The following C2orf76 variants were observed in gnomAD, a reference collection of about 807,000 sequenced individuals.
C2orf76 encodes chromosome 2 open reading frame 76.
C2orf76 carries 23 observed loss-of-function variants against 16.9 expected under a neutral mutation model. The observed-to-expected ratio is 1.36, with a 90% CI of 0.98 to 1.93. C2orf76 has a LOEUF of 1.93. Ranked by LOEUF, C2orf76 falls within the 30% of genes most tolerant of loss-of-function variation. The probability of loss-of-function intolerance (pLI) is 0.00; values close to 1 mark genes in which losing one functional copy is unlikely to be tolerated. For synonymous variants in C2orf76, 48 were observed against 52.3 expected (o/e 0.92, Z 0.35); for missense variants, 152 against 152.6 (o/e 1.00, Z 0.02).
At chr2:119,300,213 T>C (rs912959075), downstream of C2orf76, among the ~76,000 whole-genome samples, 12 of 152,232 alleles carry the variant, frequency 7.9e-5, no homozygotes, top group Non-Finnish European at 1.6e-4. Context: ...AGATAACATA[T>C]GTAAATTAAC....
chr2:119,285,744 T>C, the C2orf76 span, among the ~76,000 whole-genome samples: 5 of 152,220 alleles, frequency 3.3e-5, no homozygotes, highest in East Asian at 9.6e-4. Context: ...TTAATATAAG[T>C]TCCAGAAAGC....
chr2:119,363,301 A>G (rs6723209), intron 1 of C2orf76, among the ~76,000 whole-genome samples: 50,201 of 151,556 alleles, frequency 0.33, 9,011 homozygotes, highest in African/African-American at 0.47. Flanking sequence ...GCGGGCACCC[A>G]TAGTCCCAGC....
At chr2:119,359,948 A>C (rs1340056306) in intron 1 of C2orf76, among the ~76,000 whole-genome samples, 2 of 152,264 alleles carry the variant, frequency 1.3e-5, no homozygotes, top group African/African-American at 4.8e-5. Flanking sequence ...GCTGTCAAAC[A>C]GCATCTCATG....
At chr2:119,363,447 A>T (rs990774782) in intron 1 of C2orf76, among the ~76,000 whole-genome samples, 1 of 151,994 alleles carries the variant, frequency 6.6e-6, no homozygotes, top group Non-Finnish European at 1.5e-5. Context: ...GCAAAAAAAA[A>T]AAACTAGTCT....
intron 1 of C2orf76, among the ~76,000 whole-genome samples, chr2:119,353,693 G>A (rs1453120875): frequency 6.6e-6 from 1 of 151,730 alleles, no homozygotes; most frequent in African/African-American, 2.4e-5. Flanking sequence ...CTCCAGAGTA[G>A]CTGGGACTAC....
intron 4 of C2orf76, among the ~76,000 whole-genome samples, chr2:119,315,435 C>T (rs1679138496): frequency 2.0e-5 from 3 of 152,136 alleles, no homozygotes; most frequent in Admixed American, 6.6e-5. Context: ...TGAGTTGGAA[C>T]ACTAACAGGC....
chr2:119,333,602 T>C (rs991975303), intron 2 of C2orf76, among the ~76,000 whole-genome samples: 14 of 152,248 alleles, frequency 9.2e-5, no homozygotes, highest in Non-Finnish European at 1.8e-4. Context: ...CATTTTAGGC[T>C]TTGTGGGCCA....
chr2:119,348,082 T>G (rs976810630), intron 1 of C2orf76, among the ~76,000 whole-genome samples: 1 of 151,606 alleles, frequency 6.6e-6, no homozygotes, highest in Non-Finnish European at 1.5e-5. Context: ...ACTAGACCAT[T>G]GTTAACTGTT....
At chr2:119,297,998 A>C (rs906589400), downstream of C2orf76, among the ~76,000 whole-genome samples, 3 of 151,308 alleles carry the variant, frequency 2.0e-5, no homozygotes, top group Non-Finnish European at 4.4e-5. Context: ...TTTATGAGAC[A>C]GGGTCTCACT....
At chr2:119,338,286 G>A (rs756389083) in intron 2 of C2orf76, among the ~76,000 whole-genome samples, 1 of 152,118 alleles carries the variant, frequency 6.6e-6, no homozygotes, top group Non-Finnish European at 1.5e-5. Flanking sequence ...AAGAGAAAAG[G>A]TATCCTGCCC....
At chr2:119,309,638 T>C (rs1356851302) in intron 5 of C2orf76, among the ~76,000 whole-genome samples, 1 of 152,076 alleles carries the variant, frequency 6.6e-6, no homozygotes, top group Non-Finnish European at 1.5e-5. Flanking sequence ...CAAGCTGGTC[T>C]CGAATTCCTG....
chr2:119,310,144 T>C (rs1678935722), intron 5 of C2orf76, among the ~76,000 whole-genome samples: 1 of 152,202 alleles, frequency 6.6e-6, no homozygotes, highest in Admixed American at 6.5e-5. Context: ...GATTCTCCAG[T>C]GTTTTCCATG....
the C2orf76 span, among the ~76,000 whole-genome samples, chr2:119,287,682 C>A: frequency 6.6e-6 from 1 of 151,818 alleles, no homozygotes; most frequent in South Asian, 2.1e-4. Context: ...TTTTTCATGG[C>A]AGAAATTTTT....
chr2:119,347,284 G>T (rs7598576), intron 1 of C2orf76, among the ~76,000 whole-genome samples: 1 of 151,916 alleles, frequency 6.6e-6, no homozygotes, highest in Non-Finnish European at 1.5e-5. Context: ...AAAATGACTC[G>T]ATTTCTTCAA....
At chr2:119,357,585 C>T (rs55917471) in intron 1 of C2orf76, among the ~76,000 whole-genome samples, 11,933 of 117,818 alleles carry the variant, frequency 0.1, 583 homozygotes, top group African/African-American at 0.16. Flanking sequence ...AGAGCATCTA[C>T]AAAAAACAAA....
the C2orf76 span, among the ~76,000 whole-genome samples, chr2:119,285,359 C>T: frequency 6.6e-6 from 1 of 152,164 alleles, no homozygotes; most frequent in East Asian, 1.9e-4. Flanking sequence ...AGACCTTCAT[C>T]AGGGTCACGT....
chr2:119,283,019 C>T, the C2orf76 span, among the ~76,000 whole-genome samples: 1 of 152,170 alleles, frequency 6.6e-6, no homozygotes. Context: ...ACAGGGGAAG[C>T]TGTGGCAGTC....
chr2:119,341,739 T>C (rs945301234), intron 1 of C2orf76, among the ~76,000 whole-genome samples: 5 of 152,084 alleles, frequency 3.3e-5, no homozygotes, highest in African/African-American at 7.2e-5. Context: ...AGAAAAAAAA[T>C]ACCTGTAATA....
chr2:119,313,161 C>A (rs1238285015), intron 4 of C2orf76, among the ~76,000 whole-genome samples: 1 of 152,014 alleles, frequency 6.6e-6, no homozygotes, highest in East Asian at 1.9e-4. Context: ...ACAGCTGAGA[C>A]AGAGAGTCAA....
Sources: allele counts gnomAD v4.1 joint callset (sites outside exome capture counted in the v4.1 genomes callset), GRCh38; gene constraint gnomAD v4.1.1; transcripts MANE v1.5; gene names NCBI Gene and HGNC (gene_info 2026-07-23, HGNC 2026-07-21).